Variants in RASSF5 observed in about 807,000 individuals in gnomAD.
RASSF5 encodes the protein Ras association domain family member 5.
Under a neutral mutation model 40.5 loss-of-function variants are expected in RASSF5, and 25 were observed. That is an observed-to-expected ratio of 0.62 (90% CI 0.45 to 0.86). The LOEUF (loss-of-function observed/expected upper bound fraction) is 0.86. Ranked by LOEUF, RASSF5 falls within the 40% of genes least tolerant of loss-of-function variation. The probability of loss-of-function intolerance (pLI) is 0.00; values close to 1 mark genes in which losing one functional copy is unlikely to be tolerated. For synonymous variants in RASSF5, 246 were observed against 252.4 expected (o/e 0.97, Z 0.24); for missense variants, 521 against 572.8 (o/e 0.91, Z 0.92).
At chr1:206,537,808 G>A (rs1667455659) in intron 1 of RASSF5, among the ~76,000 whole-genome samples, 1 of 152,162 alleles carries the variant, frequency 6.6e-6, no homozygotes, top group African/African-American at 2.4e-5. Context: ...TATGGGTGCT[G>A]GTGATTAATG....
At chr1:206,527,070 T>A (rs1305835613) in intron 1 of RASSF5, among the ~76,000 whole-genome samples, 1 of 152,114 alleles carries the variant, frequency 6.6e-6, no homozygotes, top group Non-Finnish European at 1.5e-5. Flanking sequence ...TCATACCCAG[T>A]TAGAGGGAGG....
rs935885291 is a variant in RASSF5, at chr1:206,584,033, C to T, written c.691-354C>T. Among the ~76,000 whole-genome samples the T allele has an allele frequency of 6.6e-6, 1 of 152,194 alleles. No individual in the cohort carries two copies. The highest frequency in any genetic ancestry group is 1.5e-5 in the Non-Finnish European group (1 of 68,040). Reference sequence around the variant, plus strand: ...CCTCATTATAGAGCCTTCCTGCTTCCTGCCTGGTTCAGAGGTACAAACTAG... The same window carrying T: ...CCTCATTATAGAGCCTTCCTGCTTCTTGCCTGGTTCAGAGGTACAAACTAG... On this transcript the variant is annotated intron_variant, in intron 3 of 5. Transcript: ENST00000579436. This position sits in a 1 kb window ranked among gnomAD's most constrained non-coding sequence, Gnocchi z 4.9.
intron 1 of RASSF5, among the ~76,000 whole-genome samples, chr1:206,530,152 T>A (rs6540447): frequency 0.62 from 94,918 of 152,040 alleles, 30,933 homozygotes; most frequent in African/African-American, 0.8. Context: ...AACAATTTAG[T>A]AACTATAGAG....
At chr1:206,543,042 T>C (rs1667583291) in intron 2 of RASSF5, 1 of 152,086 alleles carries the variant, frequency 6.6e-6, no homozygotes, top group South Asian at 2.1e-4. Context: ...CAAGGCCTTG[T>C]CTCTACTAAA....
At chr1:206,540,246 G>A (rs1667512061) in intron 2 of RASSF5, among the ~76,000 whole-genome samples, 1 of 152,242 alleles carries the variant, frequency 6.6e-6, no homozygotes, top group Non-Finnish European at 1.5e-5. Context: ...CAGCTCCCAA[G>A]TGTGGCAGGC....
rs1669151311 is a variant in RASSF5, at chr1:206,587,147, GTTCAGCTGT to G, written c.*170_*178del. ...TCCATGGACAAGTGTTTGCACGAGG[GTTCAGCTGT>G]GCCCGCCCCCAGGCTGTGCCCCACC... On this transcript the variant is annotated 3_prime_UTR_variant, in exon 6 of 6. Coordinates refer to ENST00000579436, the MANE Select transcript of RASSF5 (RefSeq NM_182663.4). The G allele has an allele frequency of 5.3e-6, 4 of 755,242 alleles. No homozygotes were observed. Among genetic ancestry groups the G allele is most frequent in the Non-Finnish European group, 8.7e-6 (4 of 459,814 alleles). 46.8% of individuals were successfully genotyped at this position (755,242 alleles called of 1,614,324 possible). A position where few individuals can be genotyped will look rare whatever the true frequency, so the allele number is the denominator to read the frequency against.
At chr1:206,509,416 A>G (rs564122442) in intron 1 of RASSF5, among the ~76,000 whole-genome samples, 2 of 152,352 alleles carry the variant, frequency 1.3e-5, no homozygotes, top group South Asian at 2.1e-4. Context: ...CTAATTAAGA[A>G]GGAAGGAGTA....
chr1:206,574,766 C>T (rs77965726), intron 2 of RASSF5, among the ~76,000 whole-genome samples: 93 of 151,704 alleles, frequency 6.1e-4, no homozygotes, highest in Non-Finnish European at 1.2e-3. Flanking sequence ...CACAGGCCTT[C>T]GAAGACCTGG....
intron 1 of RASSF5, among the ~76,000 whole-genome samples, chr1:206,521,445 T>C (rs1189641072): frequency 6.6e-6 from 1 of 152,210 alleles, no homozygotes; most frequent in Non-Finnish European, 1.5e-5. Flanking sequence ...ACCTGCCTGC[T>C]CCTGGCCTCC....
chr1:206,553,252 A>G lies in RASSF5; in HGVS notation c.579+14959A>G, dbSNP rs1253572355. Among the ~76,000 whole-genome samples the G allele has an allele frequency of 2.6e-5, 4 of 152,322 alleles. No homozygotes were observed. In the East Asian group the frequency reaches 5.8e-4, roughly 22 times the overall value. ...TCAGTAAATATTTGCTAAGTGAAAG[A>G]AAGAATAAGCAAGTAGAACTTGATA... On this transcript the variant is annotated intron_variant, in intron 2 of 5. Coordinates refer to ENST00000579436, the MANE Select transcript of RASSF5 (RefSeq NM_182663.4).
chr1:206,582,208 G>A (rs782468609), intron 2 of RASSF5, among the ~76,000 whole-genome samples: 3 of 152,100 alleles, frequency 2.0e-5, no homozygotes, highest in Non-Finnish European at 4.4e-5. Context: ...CAGTGGCTTC[G>A]ACCCCAGAAT....
At chr1:206,578,103 G>A (rs9645354) in intron 2 of RASSF5, among the ~76,000 whole-genome samples, 68,893 of 151,508 alleles carry the variant, frequency 0.45, 16,079 homozygotes, top group Middle Eastern at 0.65. Flanking sequence ...GCACATGCTT[G>A]TAGTCCCAGC....
intron 5 of RASSF5, chr1:206,586,354 T>G (rs1572377021): frequency 6.4e-6 from 1 of 156,892 alleles, no homozygotes. Context: ...TCATGGGAGG[T>G]AGATACCCCA....
At chr1:206,545,347 T>G (rs7535939) in intron 2 of RASSF5, among the ~76,000 whole-genome samples, 11 of 3,918 alleles carry the variant, frequency 2.8e-3, no homozygotes, top group South Asian at 0.071. Flanking sequence ...TTTCTTGTGT[T>G]TTTTTTTTTT....
At chr1:206,542,778 A>T (rs1667578975) in intron 2 of RASSF5, 1 of 152,246 alleles carries the variant, frequency 6.6e-6, no homozygotes, top group Non-Finnish European at 1.5e-5. Context: ...AACTTACATT[A>T]AAGGAAATTT....
chr1:206,586,845 C>G lies in RASSF5; in HGVS notation c.1124C>G (p.Pro375Arg), dbSNP rs150973687. ...GEVEWDAFSI[P>R]ELQNFLTILE... ...TCACAGTGGGATGCCTTCTCCATCCCTGAACTTCAGAACTTCCTAACAATC... is the reference window on the plus strand; with the variant it reads ...TCACAGTGGGATGCCTTCTCCATCCGTGAACTTCAGAACTTCCTAACAATC... Residue 375 changes from proline (P) to arginine (R), a missense_variant, in exon 6 of 6, where the codon CCT becomes CGT. Coordinates refer to ENST00000579436, the MANE Select transcript of RASSF5 (RefSeq NM_182663.4). 1.2e-6 allele frequency: 2 copies of G among 1,613,828 alleles called. No individual in the cohort carries two copies. The highest frequency in any genetic ancestry group is 2.2e-5 in the East Asian group (1 of 44,890).
At chr1:206,518,382 G>A (rs916801127) in intron 1 of RASSF5, 6 of 398,512 alleles carry the variant, frequency 1.5e-5, no homozygotes, top group Non-Finnish European at 2.7e-5. Flanking sequence ...GATCTCTGGC[G>A]CTGAGATGAC....
At position 206,584,814 on chromosome 1, in the gene RASSF5, T is replaced by C. The variant is rs782588818; in HGVS notation, c.988+130T>C. ...TGAGCACCAGGGGTCCAGCTGCCCA[T>C]GTGGTGTTCAGATCTGTGGAATCCG... On this transcript the variant is annotated intron_variant, in intron 4 of 5. Coordinates refer to ENST00000579436, the MANE Select transcript of RASSF5 (RefSeq NM_182663.4). The surrounding 1 kb of genome is among the most constrained non-coding windows in gnomAD (Gnocchi z 4.9). 134 of 962,350 alleles carry C rather than the reference T, an allele frequency of 1.4e-4. 3 individuals are homozygous for C. The South Asian group carries it at 1.7e-3, about 12-fold the overall frequency. 59.6% of individuals were successfully genotyped at this position (962,350 alleles called of 1,614,324 possible). A position where few individuals can be genotyped will look rare whatever the true frequency, so the allele number is the denominator to read the frequency against.
chr1:206,557,838 CG>C, intron 2 of RASSF5: 5 of 849,546 alleles, frequency 5.9e-6, no homozygotes, highest in Non-Finnish European at 9.3e-6. Context: ...GGCTGAGCAT[CG>C]TATCTGGAGC....
Sources: allele counts gnomAD v4.1 joint callset (sites outside exome capture counted in the v4.1 genomes callset), GRCh38; gene constraint gnomAD v4.1.1; non-coding constraint Gnocchi (gnomAD v3.1); transcripts MANE v1.5; gene names NCBI Gene and HGNC (gene_info 2026-07-23, HGNC 2026-07-21).